Variants in NBAS observed in about 807,000 individuals in gnomAD.
NBAS encodes the protein NBAS subunit of NRZ tethering complex.
In NBAS, 219 loss-of-function variants were observed where a neutral mutation model predicts 302.5. The observed-to-expected ratio is 0.72, with a 90% CI of 0.65 to 0.81. The LOEUF is 0.81. NBAS is among the 30% of genes least tolerant of loss of function. The pLI, the probability that NBAS is intolerant of heterozygous loss-of-function variation, is 0.00. For missense variants in NBAS, 2,932 were observed against 2,841.6 expected (o/e 1.03, Z -0.72); for synonymous variants, 1,118 against 1,021.6 (o/e 1.09, Z -1.80).
chr2:15,054,985 G>C, the NBAS span, among the ~76,000 whole-genome samples: 1 of 152,170 alleles, frequency 6.6e-6, no homozygotes, highest in South Asian at 2.1e-4. Flanking sequence ...TTAAAGTCTT[G>C]TGGCAAGGAA....
intron 21 of NBAS, among the ~76,000 whole-genome samples, chr2:15,440,672 G>A (rs1678337563): frequency 6.6e-6 from 1 of 152,208 alleles, no homozygotes; most frequent in African/African-American, 2.4e-5. Flanking sequence ...TGACTTTGAT[G>A]AGTTGAGAGA....
At chr2:15,307,202 GA>G (rs1315384731) in intron 40 of NBAS, among the ~76,000 whole-genome samples, 1 of 152,288 alleles carries the variant, frequency 6.6e-6, no homozygotes, top group East Asian at 1.9e-4. Flanking sequence ...CCAGCCTCCG[GA>G]ACCCAACAAT....
intron 42 of NBAS, among the ~76,000 whole-genome samples, chr2:15,285,690 T>C (rs1657741709): frequency 6.6e-6 from 1 of 152,208 alleles, no homozygotes; most frequent in Non-Finnish European, 1.5e-5. Flanking sequence ...TCTCGCTCTG[T>C]TGCCTAGGCT....
At chr2:14,799,317 G>A in the NBAS span, among the ~76,000 whole-genome samples, 366 of 151,926 alleles carry the variant, frequency 2.4e-3, no homozygotes, top group African/African-American at 8.0e-3. Flanking sequence ...TTGAGTCAAG[G>A]GTTATTTAGA....
Position 15,218,935 on chromosome 2 carries a change from C to T in NBAS, c.6270G>A (p.Glu2090=), listed in dbSNP as rs373896564. The T allele has an allele frequency of 1.9e-6, 3 of 1,614,140 alleles. No homozygotes were observed. Among genetic ancestry groups the T allele is most frequent in the Non-Finnish European group, 2.5e-6 (3 of 1,180,050 alleles). Residue 2090 remains glutamate (E), a synonymous_variant, in exon 48 of 52, where the codon GAG becomes GAA. Coordinates refer to ENST00000281513, the MANE Select transcript of NBAS (RefSeq NM_015909.4). The part of the protein sequence containing the change: ...EELVSPEDLL[E]WLRPFCADDA... Reference sequence around the variant, plus strand: ...CATCAGCACAGAAAGGCCGCAGCCACTCCAGCAGGTCCTCAGGTGAAACCA... The same window carrying T: ...CATCAGCACAGAAAGGCCGCAGCCATTCCAGCAGGTCCTCAGGTGAAACCA...
chr2:15,060,251 C>CT, the NBAS span, among the ~76,000 whole-genome samples: 1 of 152,196 alleles, frequency 6.6e-6, no homozygotes, highest in South Asian at 2.1e-4. Context: ...TCCATCCCCC[C>CT]TGCCATGTCC....
intron 9 of NBAS, among the ~76,000 whole-genome samples, chr2:15,525,372 A>C (rs1305905322): frequency 6.6e-6 from 1 of 152,216 alleles, no homozygotes; most frequent in Non-Finnish European, 1.5e-5. Flanking sequence ...TGCCAGAAAA[A>C]TGTGGTCCAG....
intron 16 of NBAS, among the ~76,000 whole-genome samples, chr2:15,471,667 C>T (rs1333276896): frequency 6.6e-6 from 1 of 152,014 alleles, no homozygotes; most frequent in African/African-American, 2.4e-5. Context: ...AAAACTAATC[C>T]CCAGAGTGAT....
intron 3 of NBAS, among the ~76,000 whole-genome samples, chr2:15,556,493 A>C (rs1664652806): frequency 6.6e-6 from 1 of 152,214 alleles, no homozygotes; most frequent in East Asian, 1.9e-4. Context: ...TATGCAGGCT[A>C]CAGATGCTTC....
chr2:15,389,159 T>A (rs1247601509), intron 28 of NBAS, among the ~76,000 whole-genome samples: 2 of 152,162 alleles, frequency 1.3e-5, no homozygotes, highest in Non-Finnish European at 2.9e-5. Flanking sequence ...TCTCAAACAA[T>A]GATAGCCACG....
rs189926046 is a variant in NBAS, at chr2:15,244,636, A to G, written c.5725-5950T>C. ...GGTGGGTGTGGGGGAAACAGGGCAG[A>G]GGATTTGTCCATTTGGTTCACAGTC... On this transcript the variant is annotated intron_variant, in intron 44 of 51. Coordinates refer to ENST00000281513, the MANE Select transcript of NBAS (RefSeq NM_015909.4). Among the ~76,000 whole-genome samples, 131 of 152,242 alleles carry G rather than the reference A, an allele frequency of 8.6e-4. 1 individual carries two copies. The highest frequency in any genetic ancestry group is 1.9e-3 in the Admixed American group (29 of 15,298).
At chr2:15,040,255 G>A in the NBAS span, among the ~76,000 whole-genome samples, 2 of 152,188 alleles carry the variant, frequency 1.3e-5, no homozygotes, top group Admixed American at 6.5e-5. Context: ...CCTCGCCACA[G>A]TCCAGCAAGG....
chr2:14,978,252 T>C, the NBAS span, among the ~76,000 whole-genome samples: 4 of 152,198 alleles, frequency 2.6e-5, no homozygotes, highest in East Asian at 3.8e-4. Flanking sequence ...TACTATGGAA[T>C]TTTTTAAACC....
the NBAS span, among the ~76,000 whole-genome samples, chr2:14,931,750 C>T: frequency 6.6e-6 from 1 of 152,156 alleles, no homozygotes; most frequent in Admixed American, 6.5e-5. Context: ...AACAGGATTC[C>T]ACCTGATCCA....
At chr2:15,125,315 A>C in the NBAS span, among the ~76,000 whole-genome samples, 75 of 152,322 alleles carry the variant, frequency 4.9e-4, no homozygotes, top group African/African-American at 1.8e-3. Flanking sequence ...AGAAGCTTAC[A>C]ATCATGGCAG....
intron 47 of NBAS, among the ~76,000 whole-genome samples, chr2:15,221,034 T>A (rs1034433388): frequency 6.6e-6 from 1 of 152,224 alleles, no homozygotes; most frequent in Non-Finnish European, 1.5e-5. Context: ...AAGAATTTCA[T>A]AAATTTAGCA....
chr2:15,482,234 G>C (rs372640908), intron 12 of NBAS, among the ~76,000 whole-genome samples: 8 of 152,038 alleles, frequency 5.3e-5, no homozygotes, highest in African/African-American at 1.7e-4. Context: ...GGGCTCAAGT[G>C]ATCTTCCCGA....
At chr2:15,052,622 T>C in the NBAS span, among the ~76,000 whole-genome samples, 1 of 152,346 alleles carries the variant, frequency 6.6e-6, no homozygotes, top group Admixed American at 6.5e-5. Context: ...CATCGACTCA[T>C]GACACTATAA....
chr2:15,346,214 C>G lies in NBAS; in HGVS notation c.4179+5778G>C, dbSNP rs145572436. On this transcript the variant is annotated intron_variant, in intron 35 of 51. Coordinates refer to ENST00000281513, the MANE Select transcript of NBAS (RefSeq NM_015909.4). The stretch of plus-strand genomic sequence containing the variant: ...CAAAAGAAACTAGCATTAGAGTGAA[C>G]AGGCAACCTACAGAATGGGAGAAAA... Among the ~76,000 whole-genome samples the G allele has an allele frequency of 5.1e-3, 777 of 152,224 alleles. 10 individuals carry two copies. Among genetic ancestry groups the G allele is most frequent in the African/African-American group, 0.017 (713 of 41,546 alleles).
Sources: gnomAD v4.1 joint callset for allele counts (sites outside exome capture counted in the v4.1 genomes callset) on GRCh38, gnomAD v4.1.1 for gene constraint, MANE v1.5 for transcripts, NCBI Gene and HGNC (gene_info 2026-07-23, HGNC 2026-07-21) for gene names.